CRISPLD2: variants seen among roughly 807,000 people sequenced by gnomAD.
The protein encoded by CRISPLD2 is cysteine-rich secretory protein LCCL domain-containing 2.
A neutral mutation model predicts 71.1 loss-of-function variants in CRISPLD2; 47 were observed. The observed-to-expected ratio is 0.66, with a 90% CI of 0.52 to 0.84. The LOEUF (loss-of-function observed/expected upper bound fraction) is 0.84, where lower values mean the gene tolerates loss of function less well. CRISPLD2 is among the 40% of genes least tolerant of loss of function. The pLI, the probability that CRISPLD2 is intolerant of heterozygous loss-of-function variation, is 0.00. For synonymous variants in CRISPLD2, 317 were observed against 250.1 expected, an observed-to-expected ratio of 1.27 and a Z score of -2.52; for missense variants, 830 against 651.1, an observed-to-expected ratio of 1.27 and a Z score of -2.99.
At chr16:84,852,342 C>T (rs1195795941) in intron 5 of CRISPLD2, among the ~76,000 whole-genome samples, 1 of 98,166 alleles carries the variant, frequency 1.0e-5, no homozygotes, top group Non-Finnish European at 2.5e-5. Flanking sequence ...TCCCATGCCC[C>T]AGAGGCTCTC....
chr16:84,893,640 G>A (rs540102294), intron 14 of CRISPLD2, among the ~76,000 whole-genome samples: 2 of 152,312 alleles, frequency 1.3e-5, no homozygotes, highest in East Asian at 3.9e-4. Context: ...TCACTGTTGT[G>A]GAGGGACAGT....
intron 1 of CRISPLD2, among the ~76,000 whole-genome samples, chr16:84,832,485 G>C (rs59700878): frequency 0.015 from 2,281 of 152,390 alleles, 40 homozygotes; most frequent in East Asian, 0.047. Context: ...GGGGGCCACA[G>C]AGTCATCCCG....
chr16:84,861,891 C>G (rs543520228), intron 6 of CRISPLD2, among the ~76,000 whole-genome samples: 1 of 152,158 alleles, frequency 6.6e-6, no homozygotes, highest in African/African-American at 2.4e-5. Flanking sequence ...GATGGCGCCA[C>G]TGCACTCCAG....
At chr16:84,873,143 G>T in intron 10 of CRISPLD2, 21 bp downstream of exon 10, 1 of 1,603,426 alleles carries the variant, frequency 6.2e-7, no homozygotes, top group African/African-American at 1.3e-5. Flanking sequence ...TGTGATCGGG[G>T]CTCTGTGAAA....
chr16:84,875,234 C>G (rs1243076679), intron 11 of CRISPLD2, among the ~76,000 whole-genome samples: 3 of 149,134 alleles, frequency 2.0e-5, no homozygotes, highest in Non-Finnish European at 4.4e-5. Context: ...GAGCAAGACC[C>G]TGTCTCAAAA....
At chr16:84,895,912 G>A (rs2071701653) in intron 14 of CRISPLD2, among the ~76,000 whole-genome samples, 1 of 152,150 alleles carries the variant, frequency 6.6e-6, no homozygotes, top group South Asian at 2.1e-4. Flanking sequence ...GGGAAACTGA[G>A]GCTCAGAGAA....
chr16:84,875,300 C>A (rs2071508206), intron 11 of CRISPLD2, among the ~76,000 whole-genome samples: 1 of 150,406 alleles, frequency 6.6e-6, no homozygotes, highest in African/African-American at 2.5e-5. Context: ...ATTTCTGTGC[C>A]TTTAAATCAA....
At chr16:84,877,674 A>T (rs2071531980) in intron 12 of CRISPLD2, among the ~76,000 whole-genome samples, 164 bp downstream of exon 12, 1 of 151,496 alleles carries the variant, frequency 6.6e-6, no homozygotes, top group Non-Finnish European at 1.5e-5. Context: ...ACATGGTGAA[A>T]CCCCATTTCT....
chr16:84,871,172 G>C (rs183084044), intron 8 of CRISPLD2, among the ~76,000 whole-genome samples: 179 of 152,338 alleles, frequency 1.2e-3, no homozygotes, highest in Non-Finnish European at 2.0e-3. Flanking sequence ...GGATATGAAT[G>C]TTTAAGTCTT....
intron 11 of CRISPLD2, among the ~76,000 whole-genome samples, chr16:84,876,126 C>T (rs1266661850): frequency 6.6e-6 from 1 of 152,184 alleles, no homozygotes; most frequent in Non-Finnish European, 1.5e-5. Flanking sequence ...CTCCTCTCTG[C>T]TACAACAGCA....
chr16:84,849,574 C>T, intron 4 of CRISPLD2, 57 bp downstream of exon 4: 1 of 1,538,068 alleles, frequency 6.5e-7, no homozygotes, highest in East Asian at 2.3e-5. Context: ...GTCATTCACC[C>T]CCTGCCCCTG....
intron 14 of CRISPLD2, among the ~76,000 whole-genome samples, chr16:84,903,912 T>A (rs1320850370): frequency 6.6e-6 from 1 of 152,168 alleles, no homozygotes; most frequent in Non-Finnish European, 1.5e-5. Context: ...CCCCACCAGC[T>A]CCTGTGGCTG....
At chr16:84,894,489 C>A (rs968333685) in intron 14 of CRISPLD2, among the ~76,000 whole-genome samples, 2 of 152,096 alleles carry the variant, frequency 1.3e-5, no homozygotes, top group African/African-American at 4.8e-5. Flanking sequence ...CATGGGCAGC[C>A]CCTGCGCTAG....
intron 13 of CRISPLD2, 90 bp from the exon 14 acceptor site, chr16:84,889,140 G>C (rs2071638641): frequency 1.3e-6 from 2 of 1,561,376 alleles, no homozygotes; most frequent in African/African-American, 1.4e-5. Context: ...CACCAGCCAG[G>C]TTGCCCAGCA....
At chr16:84,851,531 A>G (rs11645819) in intron 5 of CRISPLD2, among the ~76,000 whole-genome samples, 12,845 of 152,302 alleles carry the variant, frequency 0.084, 695 homozygotes, top group Admixed American at 0.17. Flanking sequence ...AGGAGTAGTT[A>G]TGAAAAGGTG....
rs377766092 is a variant in CRISPLD2, at chr16:84,866,704, G to A, written c.710-193G>A. On this transcript the variant is annotated intron_variant, in intron 6 of 14. Coordinates refer to ENST00000262424, the MANE Select transcript of CRISPLD2 (RefSeq NM_031476.4). ...AACACAGTGAGCGGAGAGCGTCCCCGTCTCATCTGGGCTGGTAGAATTCCA... is the reference window on the plus strand; with the variant it reads ...AACACAGTGAGCGGAGAGCGTCCCCATCTCATCTGGGCTGGTAGAATTCCA... 2.1e-3 allele frequency among the ~76,000 whole-genome samples: 318 copies of A among 152,296 alleles called. 1 individual carries two copies. Among genetic ancestry groups the A allele is most frequent in the Non-Finnish European group, 3.8e-3 (260 of 68,010 alleles).
At chr16:84,837,189 C>A (rs556025483) in intron 1 of CRISPLD2, among the ~76,000 whole-genome samples, 1 of 152,320 alleles carries the variant, frequency 6.6e-6, no homozygotes, top group South Asian at 2.1e-4. Flanking sequence ...TCCTTGTCTT[C>A]TTGGGCCAAT....
intron 7 of CRISPLD2, 95 bp downstream of exon 7, chr16:84,867,135 G>T: frequency 7.5e-7 from 1 of 1,336,308 alleles, no homozygotes; most frequent in Non-Finnish European, 1.0e-6. Context: ...ATTTAGGTCT[G>T]CAAATCCACA....
At chr16:84,879,535 T>C (rs1317392186) in intron 12 of CRISPLD2, among the ~76,000 whole-genome samples, 1 of 152,162 alleles carries the variant, frequency 6.6e-6, no homozygotes, top group Non-Finnish European at 1.5e-5. Flanking sequence ...GCTAATTTTG[T>C]ATTTTTAGTA....
Sources: gnomAD v4.1 joint callset for allele counts (sites outside exome capture counted in the v4.1 genomes callset) on GRCh38, gnomAD v4.1.1 for gene constraint, MANE v1.5 for transcripts, NCBI Gene and HGNC (gene_info 2026-07-23, HGNC 2026-07-21) for gene names.